Variants in PPP2R1B observed in about 807,000 individuals in gnomAD.
PPP2R1B encodes the protein serine/threonine-protein phosphatase 2A 65 kDa regulatory subunit A beta isoform.
A neutral mutation model predicts 72.7 loss-of-function variants in PPP2R1B; 58 were observed. The observed-to-expected ratio is 0.80, with a 90% CI of 0.65 to 0.99. The LOEUF (loss-of-function observed/expected upper bound fraction) is 0.99, where lower values mean the gene tolerates loss of function less well. PPP2R1B is among the 50% of genes least tolerant of loss of function. PPP2R1B has a pLI of 0.00. For synonymous variants in PPP2R1B, 256 were observed against 264.6 expected (o/e 0.97, Z 0.32); for missense variants, 695 against 733.6 (o/e 0.95, Z 0.61).
In PPP2R1B at chr11:111,753,468, A is replaced by T; in HGVS notation, c.1139T>A (p.Leu380His). ...KENTIEHLLP[L>H]FLAQLKDECP... is the part of the protein sequence containing the mutation. Reference sequence around the variant, plus strand: ...CTCATCCTTTAACTGAGCTAAGAAAAGAGGTAGAAGATGTTCAATGGTATT... The same window carrying T: ...CTCATCCTTTAACTGAGCTAAGAAATGAGGTAGAAGATGTTCAATGGTATT... The change falls in exon 9 of 15, where the codon CTT becomes CAT. Residue 380 changes from leucine to histidine, a missense_variant. By Grantham distance (99) the Leu-to-His change is moderately conservative. Coordinates refer to ENST00000527614, the MANE Select transcript of PPP2R1B (RefSeq NM_002716.5). 6.2e-7 allele frequency: 1 copy of T among 1,613,560 alleles called. No homozygotes were observed. Among genetic ancestry groups the T allele is most frequent in the South Asian group, 1.1e-5 (1 of 90,846 alleles).
chr11:111,719,857 C>T, the PPP2R1B span: 3 of 1,614,138 alleles, frequency 1.9e-6, no homozygotes, highest in African/African-American at 4.0e-5. Flanking sequence ...ATGATGGAGA[C>T]CTCCATTGAC....
Position 111,738,038 on chromosome 11 carries a change from G to C in PPP2R1B, c.*3558C>G, listed in dbSNP as rs1469722846. The C allele has an allele frequency of 2.0e-6, 2 of 1,010,172 alleles. No homozygotes were observed. The allele number at this position is 1,010,172 out of a possible 1,614,324, so 62.6% of individuals were successfully genotyped here. ...AACAGCAGGCTCGTGGAGGCAAACG[G>C]GGGACAGTGAGACTATTCTAGGTAC... On this transcript the variant is annotated 3_prime_UTR_variant, in exon 15 of 15. Coordinates refer to ENST00000527614, the MANE Select transcript of PPP2R1B (RefSeq NM_002716.5).
At chr11:111,695,357 T>C in the PPP2R1B span, among the ~76,000 whole-genome samples, 1 of 152,174 alleles carries the variant, frequency 6.6e-6, no homozygotes, top group South Asian at 2.1e-4. Flanking sequence ...TTCCTAGAAA[T>C]CATTTACTTT....
chr11:111,748,414 T>C (rs542607390), intron 10 of PPP2R1B, among the ~76,000 whole-genome samples: 1 of 152,368 alleles, frequency 6.6e-6, no homozygotes, highest in Admixed American at 6.5e-5. Flanking sequence ...TTGGTTACTA[T>C]TATGACAAAT....
At position 111,739,968 on chromosome 11, in the gene PPP2R1B, C is replaced by A. The variant is rs1354601606; in HGVS notation, c.*1628G>T. The A allele has an allele frequency of 1.0e-6, 1 of 980,338 alleles. No individual in the cohort carries two copies. The highest frequency in any genetic ancestry group is 1.1e-4 in the East Asian group (1 of 8,794). 60.7% of individuals were successfully genotyped at this position (980,338 alleles called of 1,614,324 possible). ...CAATTTCTATTTTTCGAATGTAGGACAAATTTTAAAGTATTTAGTAAAACT... is the reference window on the plus strand; with the variant it reads ...CAATTTCTATTTTTCGAATGTAGGAAAAATTTTAAAGTATTTAGTAAAACT... On this transcript the variant is annotated 3_prime_UTR_variant, in exon 15 of 15. Transcript: ENST00000527614.
At chr11:111,721,177 T>C in the PPP2R1B span, 2 of 1,304,580 alleles carry the variant, frequency 1.5e-6, no homozygotes. Flanking sequence ...AAACAGGCTG[T>C]TTGGGAAAAC....
the PPP2R1B span, among the ~76,000 whole-genome samples, chr11:111,691,004 T>A: frequency 6.6e-6 from 1 of 152,226 alleles, no homozygotes; most frequent in Non-Finnish European, 1.5e-5. Context: ...TACAAAGTGC[T>A]GTCACTAACA....
intron 8 of PPP2R1B, among the ~76,000 whole-genome samples, chr11:111,754,264 T>A (rs1426043767): frequency 6.6e-6 from 1 of 152,226 alleles, no homozygotes; most frequent in South Asian, 2.1e-4. Context: ...TAGTTGATAA[T>A]GTTTCCTCAG....
chr11:111,736,258 C>T (rs1944336918), downstream of PPP2R1B, among the ~76,000 whole-genome samples: 1 of 152,176 alleles, frequency 6.6e-6, no homozygotes, highest in Admixed American at 6.5e-5. Flanking sequence ...GCAGAGGCAG[C>T]CCGGGCCCTG....
chr11:111,757,308 T>C (rs1224997597), intron 5 of PPP2R1B, among the ~76,000 whole-genome samples: 1 of 152,094 alleles, frequency 6.6e-6, no homozygotes, highest in Non-Finnish European at 1.5e-5. Flanking sequence ...TTGAGAGACA[T>C]AACAGTGACT....
the PPP2R1B span, chr11:111,720,121 T>C: frequency 1.0e-6 from 1 of 995,512 alleles, no homozygotes; most frequent in South Asian, 1.5e-5. Context: ...CTTATTCCTT[T>C]ATGGATTAGA....
intron 15 of PPP2R1B, chr11:111,727,298 G>A (rs567014814): frequency 3.7e-6 from 2 of 544,540 alleles, no homozygotes; most frequent in South Asian, 2.7e-5. Context: ...GCCCATCTGA[G>A]CAAACCCCTT....
Position 111,741,537 on chromosome 11 carries a change from A to G in PPP2R1B, c.*59T>C, listed in dbSNP as rs536682646. 2.5e-6 allele frequency: 4 copies of G among 1,603,686 alleles called. No individual in the cohort carries two copies. In the South Asian group the frequency reaches 3.4e-5, roughly 14 times the overall value. On this transcript the variant is annotated 3_prime_UTR_variant, in exon 15 of 15. Coordinates refer to ENST00000527614, the MANE Select transcript of PPP2R1B (RefSeq NM_002716.5). ...ATTCTTTCTCCACCCAGTTAAGAAC[A>G]CATTGACTAGAAATTTGTGACAAGA...
chr11:111,741,419 AC>A lies in PPP2R1B; in HGVS notation c.*176del. ...ATTTAACAAGGAAGACGAGTAAAAA[AC>A]AATCCCATTTCATCTTTAGAAAGAA... On this transcript the variant is annotated 3_prime_UTR_variant, in exon 15 of 15. Transcript: ENST00000527614. 6 of 1,415,668 alleles carry A rather than the reference AC, an allele frequency of 4.2e-6. No individual in the cohort carries two copies. Among genetic ancestry groups the A allele is most frequent in the Non-Finnish European group, 5.5e-6 (6 of 1,088,158 alleles). 87.7% of individuals were successfully genotyped at this position (1,415,668 alleles called of 1,614,324 possible). A position where few individuals can be genotyped will look rare whatever the true frequency, so the allele number is the denominator to read the frequency against.
the PPP2R1B span, among the ~76,000 whole-genome samples, chr11:111,701,925 T>G: frequency 6.6e-6 from 1 of 152,220 alleles, no homozygotes; most frequent in Non-Finnish European, 1.5e-5. This position sits in a 1 kb window ranked among gnomAD's most constrained non-coding sequence, Gnocchi z 4.2. Context: ...AAATTAAAAT[T>G]TTTTTAATTA....
chr11:111,716,419 A>C, the PPP2R1B span, among the ~76,000 whole-genome samples: 1 of 151,928 alleles, frequency 6.6e-6, no homozygotes, highest in South Asian at 2.1e-4. Flanking sequence ...TCTACTAAAA[A>C]TACAAAAATT....
chr11:111,720,877 T>TG, the PPP2R1B span: 1 of 1,610,614 alleles, frequency 6.2e-7, no homozygotes. Flanking sequence ...TTAAACTGTT[T>TG]GGTCTTGGTG....
the PPP2R1B span, among the ~76,000 whole-genome samples, chr11:111,716,076 A>T: frequency 1.3e-5 from 2 of 152,128 alleles, no homozygotes; most frequent in African/African-American, 2.4e-5. Context: ...TACTGGGATT[A>T]CAGGCATGAG....
chr11:111,729,781 A>T (rs1407079913), intron 15 of PPP2R1B: 1 of 152,294 alleles, frequency 6.6e-6, no homozygotes, highest in Non-Finnish European at 1.5e-5. Flanking sequence ...TTCAGGTGAC[A>T]GTGCAGCTGT....
Sources: allele counts gnomAD v4.1 joint callset (sites outside exome capture counted in the v4.1 genomes callset), GRCh38; gene constraint gnomAD v4.1.1; non-coding constraint Gnocchi (gnomAD v3.1); transcripts MANE v1.5; gene names NCBI Gene and HGNC (gene_info 2026-07-23, HGNC 2026-07-21).